CPNE5: variants seen among roughly 807,000 people sequenced by gnomAD.
The protein encoded by CPNE5 is copine-5.
Under a neutral mutation model 81.1 loss-of-function variants are expected in CPNE5, and 42 were observed. The ratio of observed to expected loss-of-function variants is 0.52; its 90% CI spans 0.40 to 0.67. The LOEUF is 0.67. Ranked by LOEUF, CPNE5 falls within the 30% of genes least tolerant of loss-of-function variation. The pLI, the probability that CPNE5 is intolerant of heterozygous loss-of-function variation, is 0.00. For synonymous variants in CPNE5, 313 were observed against 321.5 expected (o/e 0.97, Z 0.28); for missense variants, 612 against 815.5 (o/e 0.75, Z 3.04).
intron 20 of CPNE5, chr6:36,742,721 A>G (rs1258876170): frequency 2.0e-6 from 2 of 985,242 alleles, no homozygotes; most frequent in East Asian, 1.1e-4. Context: ...ACTGAGCCCT[A>G]TTCCACACCA....
intron 8 of CPNE5, among the ~76,000 whole-genome samples, chr6:36,788,234 G>T (rs192287578): frequency 2.0e-5 from 3 of 151,712 alleles, no homozygotes; most frequent in South Asian, 2.1e-4. Flanking sequence ...GTCGGGGGGG[G>T]GTCTCACTAT....
At chr6:36,778,363 G>A (rs1767733074) in intron 9 of CPNE5, among the ~76,000 whole-genome samples, 1 of 152,222 alleles carries the variant, frequency 6.6e-6, no homozygotes, top group South Asian at 2.1e-4. Context: ...CTATGGCAGA[G>A]TGTGGGGCCG....
rs751822882 is a variant in CPNE5, at chr6:36,742,320, G to A, written c.1730C>T (p.Ser577Leu). Residue 577 changes from serine to leucine, a missense_variant, in exon 21 of 21, where the codon TCG becomes TTG. Coordinates refer to ENST00000244751, the MANE Select transcript of CPNE5 (RefSeq NM_020939.2). ...AGGGGGCGTGCGGGCTGGGGACTGC[G>A]AGGGCGAGTGGGTTGGTGCTGCGGG... ...PPPAAPTHSP[S>L]QSPARTPPAS... The A allele has an allele frequency of 1.9e-5, 30 of 1,610,686 alleles. No individual in the cohort carries two copies. The highest frequency in any genetic ancestry group is 1.2e-4 in the South Asian group (11 of 91,022).
At chr6:36,747,745 G>A (rs943337894) in intron 15 of CPNE5, among the ~76,000 whole-genome samples, 1 of 152,236 alleles carries the variant, frequency 6.6e-6, no homozygotes, top group Non-Finnish European at 1.5e-5. Context: ...GCCACAGGCT[G>A]ACACTGGAGA....
upstream of CPNE5, chr6:36,839,503 A>C: frequency 2.8e-6 from 2 of 707,484 alleles, no homozygotes; most frequent in Non-Finnish European, 4.5e-6. This position sits in a 1 kb window ranked among gnomAD's most constrained non-coding sequence, Gnocchi z 7.3. Context: ...GGGAGGAGAG[A>C]GGAGCGCGAA....
chr6:36,763,089 C>A, intron 11 of CPNE5, 97 bp from the exon 12 acceptor site: 1 of 1,047,992 alleles, frequency 9.5e-7, no homozygotes, highest in South Asian at 1.3e-5. Flanking sequence ...GCTCCCAATT[C>A]TACCTGGGAC....
chr6:36,792,421 T>C, intron 7 of CPNE5: 1 of 1,404,352 alleles, frequency 7.1e-7, no homozygotes, highest in Non-Finnish European at 9.4e-7. Flanking sequence ...CCAGTGGTTC[T>C]CAAACTTTCC....
At position 36,778,967 on chromosome 6, in the gene CPNE5, G is replaced by A. The variant is rs201221527; in HGVS notation, c.529-10C>T. 3.1e-3 allele frequency: 4,918 copies of A among 1,575,700 alleles called. 9 individuals are homozygous for A. The highest frequency in any genetic ancestry group is 6.4e-3 in the Middle Eastern group (38 of 5,974). ...GCATGGTGGCGACATCCTGGTGGGA[G>A]GGAGGGAGAACGGGGTGTGAGGCAG... is the stretch of plus-strand genomic sequence containing the variant. On this transcript the variant is annotated splice_polypyrimidine_tract_variant and intron_variant, in intron 8 of 20. Transcript: ENST00000244751.
intron 1 of CPNE5, among the ~76,000 whole-genome samples, chr6:36,824,669 G>T (rs933120992): frequency 1.3e-5 from 2 of 152,228 alleles, no homozygotes; most frequent in Non-Finnish European, 2.9e-5. Flanking sequence ...GAGCTAGGCC[G>T]GGTGTGGCTG....
intron 8 of CPNE5, among the ~76,000 whole-genome samples, chr6:36,788,426 C>T (rs1465686985): frequency 1.3e-5 from 2 of 152,106 alleles, no homozygotes; most frequent in Admixed American, 1.3e-4. Context: ...ACCGTGAGGG[C>T]TCGAGGCTCC....
At chr6:36,753,147 T>C in intron 13 of CPNE5, 52 bp from the exon 14 acceptor site, 1 of 1,465,570 alleles carries the variant, frequency 6.8e-7, no homozygotes, top group East Asian at 2.3e-5. Flanking sequence ...TCAGGGGAGA[T>C]GGGTTATGAT....
intron 13 of CPNE5, chr6:36,754,316 C>G (rs1765175243): frequency 6.6e-6 from 1 of 152,044 alleles, no homozygotes; most frequent in African/African-American, 2.4e-5. Flanking sequence ...CCTAACTGCC[C>G]TGACCATATG....
intron 3 of CPNE5, among the ~76,000 whole-genome samples, chr6:36,807,159 A>G (rs1770669878): frequency 6.6e-6 from 1 of 152,226 alleles, no homozygotes. Context: ...CACGTCTTCA[A>G]AAAGCTTTAA....
chr6:36,755,919 A>C, intron 13 of CPNE5: 1 of 402,874 alleles, frequency 2.5e-6, no homozygotes, highest in Non-Finnish European at 4.5e-6. Flanking sequence ...CAACCTGTGA[A>C]AAGCACCAAC....
intron 10 of CPNE5, among the ~76,000 whole-genome samples, chr6:36,768,134 G>C (rs1766721655): frequency 6.6e-6 from 1 of 151,860 alleles, no homozygotes; most frequent in East Asian, 1.9e-4. Flanking sequence ...CCAGCTTTGG[G>C]AGAGAAGGAG....
rs538076494 is a variant in CPNE5 at position 36,797,938 on chromosome 6, C to T, written c.404+227G>A. 8.5e-5 allele frequency among the ~76,000 whole-genome samples: 13 copies of T among 152,252 alleles called. No homozygotes were observed. In the East Asian group the frequency reaches 1.9e-3, roughly 23 times the overall value. Reference sequence around the variant, plus strand: ...CTATATGGTGTCTAGTCTATTTCCTCCTGGGCCTTCCCAGGAGATGGGACT... The same window carrying T: ...CTATATGGTGTCTAGTCTATTTCCTTCTGGGCCTTCCCAGGAGATGGGACT... On this transcript the variant is annotated intron_variant, in intron 6 of 20. Coordinates refer to ENST00000244751, the MANE Select transcript of CPNE5 (RefSeq NM_020939.2).
At chr6:36,742,944 G>A in intron 20 of CPNE5, 2 of 985,328 alleles carry the variant, frequency 2.0e-6, no homozygotes, top group Non-Finnish European at 2.4e-6. Context: ...AGGCCCATCT[G>A]GCTTCTTCCC....
In CPNE5 at chr6:36,798,269, A is replaced by G. The variant is rs749102162; in HGVS notation, c.328-28T>C. 2.5e-6 allele frequency: 4 copies of G among 1,601,716 alleles called. No homozygotes were observed. The Admixed American group carries it at 6.7e-5, about 27-fold the overall frequency. ...GCATATCCAGGGAACAGAAGAGACCAGTGTCACCCACTCTGCTCACAGCTA... is the reference window on the plus strand; with the variant it reads ...GCATATCCAGGGAACAGAAGAGACCGGTGTCACCCACTCTGCTCACAGCTA... On this transcript the variant is annotated intron_variant, in intron 5 of 20. Transcript: ENST00000244751.
intron 9 of CPNE5, among the ~76,000 whole-genome samples, chr6:36,775,815 G>T (rs1001267741): frequency 2.0e-5 from 3 of 151,980 alleles, no homozygotes; most frequent in Admixed American, 1.3e-4. Context: ...TAAAAGCAAG[G>T]ATTTTTGTCT....
Sources: allele counts gnomAD v4.1 joint callset (sites outside exome capture counted in the v4.1 genomes callset), GRCh38; gene constraint gnomAD v4.1.1; non-coding constraint Gnocchi (gnomAD v3.1); transcripts MANE v1.5; gene names NCBI Gene and HGNC (gene_info 2026-07-23, HGNC 2026-07-21).